Variants in SLC2A13 observed in about 807,000 individuals in gnomAD.
The protein encoded by SLC2A13 is solute carrier family 2 member 13.
In SLC2A13, 32 loss-of-function variants were observed where a neutral mutation model predicts 64.4. The observed-to-expected ratio is 0.50, with a 90% CI of 0.37 to 0.67. SLC2A13 has a LOEUF of 0.67. SLC2A13 is among the 30% of genes least tolerant of loss of function. The pLI is 0.00. For missense variants in SLC2A13, 743 were observed against 829.2 expected (o/e 0.90, Z 1.28); for synonymous variants, 338 against 327.1 (o/e 1.03, Z -0.36).
At chr12:39,829,870 CTTA>C (rs1942804687) in intron 7 of SLC2A13, 1 of 532,206 alleles carries the variant, frequency 1.9e-6, no homozygotes. Flanking sequence ...ACTCCTATAC[CTTA>C]TTAGAGAAAT....
chr12:39,956,634 G>A (rs1540698), intron 3 of SLC2A13, among the ~76,000 whole-genome samples: 109,539 of 152,074 alleles, frequency 0.72, 41,999 homozygotes, highest in Non-Finnish European at 0.86. Context: ...AAACAACAAT[G>A]TTTGATCAAA....
At chr12:39,888,853 A>G (rs1944531606) in intron 4 of SLC2A13, among the ~76,000 whole-genome samples, 1 of 152,210 alleles carries the variant, frequency 6.6e-6, no homozygotes, top group South Asian at 2.1e-4. Flanking sequence ...TACTACTATG[A>G]TTTGACCCAC....
At chr12:39,818,217 C>CA (rs1231214959) in intron 7 of SLC2A13, among the ~76,000 whole-genome samples, 6 of 152,016 alleles carry the variant, frequency 3.9e-5, no homozygotes, top group Admixed American at 3.9e-4. Context: ...CTGATTCCCC[C>CA]AGTCATGTAC....
chr12:39,937,410 G>A (rs142632228), intron 4 of SLC2A13, among the ~76,000 whole-genome samples: 225 of 152,278 alleles, frequency 1.5e-3, no homozygotes, highest in African/African-American at 5.1e-3. Context: ...TAGTCTACCC[G>A]GAATCAGCCA....
At chr12:40,005,252 C>T (rs1947395798) in intron 3 of SLC2A13, among the ~76,000 whole-genome samples, 2 of 152,152 alleles carry the variant, frequency 1.3e-5, no homozygotes, top group East Asian at 1.9e-4. Flanking sequence ...AATCTGTGTA[C>T]TTTATACTTC....
chr12:39,976,849 T>C (rs1023135957), intron 3 of SLC2A13, among the ~76,000 whole-genome samples: 8 of 152,222 alleles, frequency 5.3e-5, no homozygotes, highest in African/African-American at 1.9e-4. Context: ...TTAACATCTC[T>C]TGGCACTTTC....
chr12:39,888,967 G>A (rs542624935), intron 4 of SLC2A13, among the ~76,000 whole-genome samples: 42 of 151,934 alleles, frequency 2.8e-4, no homozygotes, highest in Non-Finnish European at 4.4e-4. Context: ...AGTTCAAAGT[G>A]TTTACTTTAT....
At chr12:39,947,115 A>C (rs1045378660) in intron 4 of SLC2A13, among the ~76,000 whole-genome samples, 1 of 152,154 alleles carries the variant, frequency 6.6e-6, no homozygotes, top group Non-Finnish European at 1.5e-5. Context: ...TATTACTCTG[A>C]GTTAATAGAA....
chr12:40,100,677 C>A (rs570854016), intron 1 of SLC2A13, among the ~76,000 whole-genome samples: 1 of 152,164 alleles, frequency 6.6e-6, no homozygotes, highest in South Asian at 2.1e-4. Flanking sequence ...ATAAGATTAA[C>A]CCTGGGCCGG....
At chr12:39,910,807 A>G (rs1945410840) in intron 4 of SLC2A13, among the ~76,000 whole-genome samples, 1 of 152,084 alleles carries the variant, frequency 6.6e-6, no homozygotes, top group African/African-American at 2.4e-5. Flanking sequence ...AATGTAGGCC[A>G]GGTGTGGTAG....
chr12:40,020,644 A>G (rs1592013012), intron 3 of SLC2A13, among the ~76,000 whole-genome samples: 1 of 152,204 alleles, frequency 6.6e-6, no homozygotes, highest in Non-Finnish European at 1.5e-5. Context: ...AAATGTCCCA[A>G]CACTAAAGAA....
chr12:39,862,413 T>C (rs911707682), intron 6 of SLC2A13, among the ~76,000 whole-genome samples: 3 of 152,198 alleles, frequency 2.0e-5, no homozygotes, highest in Admixed American at 1.3e-4. Context: ...TTTCTACAAG[T>C]GGACGTGCTG....
intron 1 of SLC2A13, among the ~76,000 whole-genome samples, chr12:40,063,977 T>A (rs1948468028): frequency 6.6e-6 from 1 of 152,180 alleles, no homozygotes; most frequent in South Asian, 2.1e-4. Context: ...GCATGGTGAC[T>A]CATGCCTGTA....
intron 7 of SLC2A13, among the ~76,000 whole-genome samples, chr12:39,768,706 A>G (rs1940452685): frequency 6.6e-6 from 1 of 152,096 alleles, no homozygotes; most frequent in African/African-American, 2.4e-5. Flanking sequence ...GCCCGACAAC[A>G]ATTACAATAG....
At chr12:39,850,554 A>G (rs2135893401) in intron 6 of SLC2A13, among the ~76,000 whole-genome samples, 1 of 152,336 alleles carries the variant, frequency 6.6e-6, no homozygotes, top group Non-Finnish European at 1.5e-5. Flanking sequence ...AAGTTATATG[A>G]ACATGAAAAT....
chr12:39,940,404 G>A lies in SLC2A13; in HGVS notation c.1034+10853C>T, dbSNP rs188528935. Among the ~76,000 whole-genome samples the A allele has an allele frequency of 4.0e-5, 6 of 151,712 alleles. No homozygotes were observed. The East Asian group carries it at 5.8e-4, about 15-fold the overall frequency. ...TGCTTGTGCTATGTTTCCTGATTGC[G>A]TGGTAATTTTTTTTTTTAATACCAG... is the stretch of plus-strand genomic sequence containing the variant. On this transcript the variant is annotated intron_variant, in intron 4 of 9. Transcript: ENST00000280871.
intron 4 of SLC2A13, chr12:39,907,549 T>G (rs888189256): frequency 6.6e-6 from 1 of 152,142 alleles, no homozygotes; most frequent in African/African-American, 2.4e-5. Context: ...AATCTGCCCA[T>G]AATGTAGAGT....
intron 3 of SLC2A13, among the ~76,000 whole-genome samples, chr12:40,000,929 G>T (rs755589238): frequency 6.6e-6 from 1 of 152,094 alleles, no homozygotes; most frequent in African/African-American, 2.4e-5. Context: ...ACTAAAAAAG[G>T]CTAGCTGGCC....
chr12:39,899,921 T>C (rs1945038729), intron 4 of SLC2A13, among the ~76,000 whole-genome samples: 1 of 152,088 alleles, frequency 6.6e-6, no homozygotes, highest in Non-Finnish European at 1.5e-5. Context: ...AATTTTGGAA[T>C]AGGTGTGGGG....
Sources: allele counts gnomAD v4.1 joint callset (sites outside exome capture counted in the v4.1 genomes callset), GRCh38; gene constraint gnomAD v4.1.1; transcripts MANE v1.5; gene names NCBI Gene and HGNC (gene_info 2026-07-23, HGNC 2026-07-21).